CNTNAP2: variants seen among roughly 807,000 people sequenced by gnomAD.
CNTNAP2 encodes the protein contactin-associated protein-like 2.
CNTNAP2 carries 98 observed loss-of-function variants against 155.2 expected under a neutral mutation model. The observed-to-expected ratio is 0.63, with a 90% CI of 0.54 to 0.75. The LOEUF (loss-of-function observed/expected upper bound fraction) is 0.75. Ranked by LOEUF, CNTNAP2 falls within the 30% of genes least tolerant of loss-of-function variation. The pLI is 0.00. For synonymous variants in CNTNAP2, 651 were observed against 631.2 expected, an observed-to-expected ratio of 1.03 and a Z score of -0.47; for missense variants, 1,727 against 1,688.1, an observed-to-expected ratio of 1.02 and a Z score of -0.40.
intron 4 of CNTNAP2, among the ~76,000 whole-genome samples, chr7:147,044,455 G>T (rs1488509109): frequency 6.6e-6 from 1 of 151,902 alleles, no homozygotes; most frequent in Non-Finnish European, 1.5e-5. Flanking sequence ...AAAACATTTC[G>T]AAGAACTTCC....
chr7:146,228,732 C>G (rs1799335350), intron 1 of CNTNAP2, among the ~76,000 whole-genome samples: 1 of 152,088 alleles, frequency 6.6e-6, no homozygotes, highest in African/African-American at 2.4e-5. Context: ...TCCTATTGCT[C>G]TATTCTATAA....
At chr7:147,958,608 C>A (rs1801064502) in intron 14 of CNTNAP2, among the ~76,000 whole-genome samples, 1 of 152,068 alleles carries the variant, frequency 6.6e-6, no homozygotes, top group Admixed American at 6.5e-5. Context: ...GATTCACAAA[C>A]CTAGAGCCAA....
At chr7:146,339,231 A>G (rs1398604008) in intron 1 of CNTNAP2, among the ~76,000 whole-genome samples, 2 of 152,158 alleles carry the variant, frequency 1.3e-5, no homozygotes, top group East Asian at 1.9e-4. Flanking sequence ...GTATAATGCT[A>G]TGTGTACATA....
intron 13 of CNTNAP2, among the ~76,000 whole-genome samples, chr7:147,695,323 G>A (rs904670692): frequency 6.6e-6 from 1 of 152,118 alleles, no homozygotes; most frequent in Non-Finnish European, 1.5e-5. Flanking sequence ...GCTGTTGGAT[G>A]AAGTAGTTTA....
chr7:148,358,557 A>G (rs766103913), intron 21 of CNTNAP2, among the ~76,000 whole-genome samples: 5 of 152,192 alleles, frequency 3.3e-5, no homozygotes, highest in Non-Finnish European at 7.3e-5. Flanking sequence ...TCTGGGCTAG[A>G]GAGAGGTAGC....
Position 147,752,433 on chromosome 7 carries a change from T to C in CNTNAP2, c.2098+113127T>C, listed in dbSNP as rs553967978. Among the ~76,000 whole-genome samples, 8 of 152,338 alleles carry C rather than the reference T, an allele frequency of 5.3e-5. No homozygotes were observed. In the South Asian group the frequency reaches 1.7e-3, roughly 32 times the overall value. ...CGAGTTGAATAGTGACAGGCAGTGT[T>C]GGGTCCTTTTCCTATTTCTTTCATG... On this transcript the variant is annotated intron_variant, in intron 13 of 23. Coordinates refer to ENST00000361727, the MANE Select transcript of CNTNAP2 (RefSeq NM_014141.6).
At chr7:148,045,341 G>A (rs530632257) in intron 15 of CNTNAP2, among the ~76,000 whole-genome samples, 62 of 152,236 alleles carry the variant, frequency 4.1e-4, no homozygotes, top group Middle Eastern at 3.4e-3. Flanking sequence ...GGTGGGGGGC[G>A]TTACAGCAAC....
intron 3 of CNTNAP2, among the ~76,000 whole-genome samples, chr7:147,017,032 TAA>T (rs58493647): frequency 7.0e-5 from 10 of 142,960 alleles, no homozygotes; most frequent in African/African-American, 1.8e-4. Context: ...TTTAAGCTAG[TAA>T]AAAAAAAAAA....
chr7:146,600,398 T>C (rs1012976951), intron 1 of CNTNAP2, among the ~76,000 whole-genome samples: 16 of 152,160 alleles, frequency 1.1e-4, no homozygotes, highest in Non-Finnish European at 2.2e-4. Context: ...TAATAATAAA[T>C]ACTTTAAAAA....
intron 2 of CNTNAP2, among the ~76,000 whole-genome samples, chr7:146,813,152 G>C (rs778114297): frequency 7.2e-5 from 11 of 152,220 alleles, no homozygotes; most frequent in Non-Finnish European, 1.2e-4. Flanking sequence ...CCCCCACACA[G>C]AGTCCCCACT....
chr7:146,687,395 A>G (rs184907312), intron 1 of CNTNAP2, among the ~76,000 whole-genome samples: 122 of 152,262 alleles, frequency 8.0e-4, no homozygotes, highest in African/African-American at 2.7e-3. Flanking sequence ...TTTAAATGAG[A>G]TAGTACATGG....
At chr7:148,070,296 G>C (rs770149633) in intron 15 of CNTNAP2, among the ~76,000 whole-genome samples, 1 of 152,234 alleles carries the variant, frequency 6.6e-6, no homozygotes, top group South Asian at 2.1e-4. Flanking sequence ...ATTGCACTGA[G>C]AAGTCTATCA....
chr7:148,365,980 GTATACATGTGTGTATGCA>G lies in CNTNAP2; in HGVS notation c.3476-17667_3476-17650del, dbSNP rs1798753586. 1.5e-3 allele frequency among the ~76,000 whole-genome samples: 4 copies of G among 2,750 alleles called. 2 individuals carry two copies. Among genetic ancestry groups the G allele is most frequent in the African/African-American group, 1.8e-3 (4 of 2,274 alleles). 1.8% of individuals were successfully genotyped at this position (2,750 alleles called of 152,430 possible). ...TGCATGTATACATGTGTGTATGCAT[GTATACATGTGTGTATGCA>G]TGTATGCATGTGTGTATGCATGTAT... On this transcript the variant is annotated intron_variant, in intron 21 of 23. Coordinates refer to ENST00000361727, the MANE Select transcript of CNTNAP2 (RefSeq NM_014141.6).
intron 4 of CNTNAP2, among the ~76,000 whole-genome samples, chr7:147,073,237 G>A (rs1339986812): frequency 6.9e-6 from 1 of 145,698 alleles, no homozygotes; most frequent in Non-Finnish European, 1.5e-5. Context: ...GCCATAAAAA[G>A]AATGAGATCA....
In CNTNAP2 at chr7:146,853,974, A is replaced by T. The variant is rs1378916900; in HGVS notation, c.402+14070A>T. 1.3e-5 allele frequency among the ~76,000 whole-genome samples: 2 copies of T among 152,338 alleles called. 1 individual carries two copies. The highest frequency in any genetic ancestry group is 4.8e-5 in the African/African-American group (2 of 41,592). ...TGTACCTACATCTATTAGAAGTCAAACTGTCCAAAATGGCATGTGTGGGAA... is the reference window on the plus strand; with the variant it reads ...TGTACCTACATCTATTAGAAGTCAATCTGTCCAAAATGGCATGTGTGGGAA... On this transcript the variant is annotated intron_variant, in intron 3 of 23. Coordinates refer to ENST00000361727, the MANE Select transcript of CNTNAP2 (RefSeq NM_014141.6).
chr7:146,998,410 A>T (rs758716222), intron 3 of CNTNAP2, among the ~76,000 whole-genome samples: 1 of 151,916 alleles, frequency 6.6e-6, no homozygotes, highest in Non-Finnish European at 1.5e-5. Context: ...TATGACTTTA[A>T]TCTTAAACTT....
chr7:148,099,736 A>C (rs1029447818), intron 15 of CNTNAP2, among the ~76,000 whole-genome samples: 5 of 151,844 alleles, frequency 3.3e-5, no homozygotes, highest in African/African-American at 1.2e-4. Context: ...AAAACCAGTT[A>C]GTTCCTAGCA....
chr7:147,481,832 T>C (rs910930519), intron 10 of CNTNAP2, among the ~76,000 whole-genome samples: 2 of 152,222 alleles, frequency 1.3e-5, no homozygotes, highest in East Asian at 3.8e-4. Flanking sequence ...TTATTCATTT[T>C]TGATGTGAAC....
intron 1 of CNTNAP2, among the ~76,000 whole-genome samples, chr7:146,267,124 A>T (rs1344010545): frequency 6.6e-6 from 1 of 152,154 alleles, no homozygotes; most frequent in African/African-American, 2.4e-5. Flanking sequence ...AGAAGGGAAG[A>T]TGTCCATGTC....
Sources: gnomAD v4.1 joint callset for allele counts (sites outside exome capture counted in the v4.1 genomes callset) on GRCh38, gnomAD v4.1.1 for gene constraint, MANE v1.5 for transcripts, NCBI Gene and HGNC (gene_info 2026-07-23, HGNC 2026-07-21) for gene names.